Variants in NYX observed in about 807,000 individuals in gnomAD.
NYX encodes the protein leucine-rich repeat protein.
For synonymous variants in NYX, 258 were observed against 245.7 expected (o/e 1.05, Z -0.47); for missense variants, 481 against 485.4 (o/e 0.99, Z 0.09).
chrX:41,468,795 T>C (rs1421604738), intron 2 of NYX, among the ~76,000 whole-genome samples: 2 of 111,751 alleles, frequency 1.8e-5, no homozygotes, highest in African/African-American at 6.5e-5. Flanking sequence ...ACCTGATGCC[T>C]GATACTTGAC....
Position 41,474,782 on chromosome X carries a change from C to T in NYX, c.1314C>T (p.Ser438=), listed in dbSNP as rs1449375033. Residue 438 remains serine, a synonymous_variant, in exon 3 of 3, where the codon TCC becomes TCT. Transcript: ENST00000378220. Reference sequence around the variant, plus strand: ...GGGGGCTGGCCAACGCCTCCCTGTCCGACAGCCTCTCCTCCCGTGGGGTGG... The same window carrying T: ...GGGGGCTGGCCAACGCCTCCCTGTCTGACAGCCTCTCCTCCCGTGGGGTGG... ...TTGGLANASL[S]DSLSSRGVGG... is the part of the protein sequence containing the mutation. The T allele has an allele frequency of 5.0e-6, 6 of 1,195,714 alleles. No individual in the cohort carries two copies. Among genetic ancestry groups the T allele is most frequent in the African/African-American group, 3.5e-5 (2 of 57,214 alleles).
Position 41,449,169 on chromosome X carries a change from A to G in NYX, c.22+1243A>G, listed in dbSNP as rs1256654179. ...AGAATCTGTTTTTTTCTGACCCTCA[A>G]GTGAATTTAATTATTTGAGATATGA... On this transcript the variant is annotated intron_variant, in intron 2 of 2. Transcript: ENST00000378220. Among the ~76,000 whole-genome samples, 3 of 111,888 alleles carry G rather than the reference A, an allele frequency of 2.7e-5. No homozygotes were observed. In the East Asian group the frequency reaches 8.4e-4, roughly 31 times the overall value.
intron 2 of NYX, 71 bp from the exon 3 acceptor site, chrX:41,473,420 C>T: frequency 2.2e-6 from 2 of 901,935 alleles, no homozygotes; most frequent in South Asian, 9.5e-5. Context: ...CTGGGGTGAC[C>T]TTTGGCTGAC....
chrX:41,472,514 G>A (rs1381820613), intron 2 of NYX: 2 of 629,450 alleles, frequency 3.2e-6, no homozygotes, highest in Non-Finnish European at 5.2e-6. Context: ...GGATTCTTGA[G>A]CTATGGAACA....
rs148699627 is a variant in NYX at position 41,475,282 on chromosome X, G to T, written c.*383G>T. 79 of 200,135 alleles carry T rather than the reference G, an allele frequency of 3.9e-4. No homozygotes were observed. The highest frequency in any genetic ancestry group is 6.7e-4 in the Non-Finnish European group (74 of 110,234). The allele number at this position is 200,135 out of a possible 1,213,427, so 16.5% of individuals were successfully genotyped here. On this transcript the variant is annotated 3_prime_UTR_variant, in exon 3 of 3. Transcript: ENST00000378220. ...TCCATTGGCTAAGTAGTTAAGAGCCGTCCCATTTCTCCTGGCGGGGTAACC... is the reference window on the plus strand; with the variant it reads ...TCCATTGGCTAAGTAGTTAAGAGCCTTCCCATTTCTCCTGGCGGGGTAACC...
At chrX:41,467,543 G>A (rs2064345105) in intron 2 of NYX, among the ~76,000 whole-genome samples, 1 of 107,993 alleles carries the variant, frequency 9.3e-6, no homozygotes, top group African/African-American at 3.4e-5. Flanking sequence ...TAGTAGAGAC[G>A]GGGTTTCACC....
intron 2 of NYX, among the ~76,000 whole-genome samples, chrX:41,470,611 T>C (rs1309489703): frequency 3.8e-5 from 4 of 104,204 alleles, no homozygotes; most frequent in African/African-American, 7.1e-5. Context: ...GAAGAATCAC[T>C]TGAACCTGGG....
At chrX:41,468,336 G>A (rs2064348078) in intron 2 of NYX, among the ~76,000 whole-genome samples, 1 of 106,433 alleles carries the variant, frequency 9.4e-6, no homozygotes, top group Non-Finnish European at 1.9e-5. Context: ...CTGTTGCCTG[G>A]GCTGGAGTGC....
intron 2 of NYX, among the ~76,000 whole-genome samples, chrX:41,458,521 A>G (rs921022975): frequency 2.7e-5 from 3 of 110,923 alleles, no homozygotes; most frequent in Admixed American, 9.6e-5. Flanking sequence ...GTGCAGTTGT[A>G]TGATCTTGGC....
In NYX at chrX:41,474,266, C is replaced by T; in HGVS notation, c.798C>T (p.Arg266=). The T allele has an allele frequency of 8.3e-7, 1 of 1,205,202 alleles. No individual in the cohort carries two copies. Among genetic ancestry groups the T allele is most frequent in the Non-Finnish European group, 1.1e-6 (1 of 895,166 alleles). ...LGGNALDRVA[R]AWFADLAELE... ...GCAACGCGCTGGACCGCGTGGCGCGCGCCTGGTTCGCTGACCTGGCCGAGC... is the reference window on the plus strand; with the variant it reads ...GCAACGCGCTGGACCGCGTGGCGCGTGCCTGGTTCGCTGACCTGGCCGAGC... Residue 266 remains arginine (R), a synonymous_variant, in exon 3 of 3, where the codon CGC becomes CGT. Coordinates refer to ENST00000378220, the MANE Select transcript of NYX (RefSeq NM_001378477.3).
At chrX:41,456,396 G>A (rs1269400832) in intron 2 of NYX, among the ~76,000 whole-genome samples, 1 of 111,336 alleles carries the variant, frequency 9.0e-6, no homozygotes, top group Non-Finnish European at 1.9e-5. Flanking sequence ...ATATTGCTCA[G>A]GACTCTTGTT....
chrX:41,457,749 C>T lies in NYX; in HGVS notation c.22+9823C>T, dbSNP rs1426912522. ...TCAAAGTGTTCAACTGCGGTGCAAA[C>T]AGCTGTGGTTGGGAGGAGATGGCAG... On this transcript the variant is annotated intron_variant, in intron 2 of 2. Transcript: ENST00000378220. 3.6e-5 allele frequency among the ~76,000 whole-genome samples: 4 copies of T among 111,321 alleles called. No homozygotes were observed. The Admixed American group carries it at 3.9e-4, about 11-fold the overall frequency.
rs550417619 is a variant in NYX, at chrX:41,448,811, C to T, written c.22+885C>T. On this transcript the variant is annotated intron_variant, in intron 2 of 2. Transcript: ENST00000378220. Reference sequence around the variant, plus strand: ...CTGACCTCAGGTGATCTGCCTGTCTCGGCCTCCCAAAGTGCTGGGATTGCA... The same window carrying T: ...CTGACCTCAGGTGATCTGCCTGTCTTGGCCTCCCAAAGTGCTGGGATTGCA... 1.6e-4 allele frequency among the ~76,000 whole-genome samples: 18 copies of T among 110,532 alleles called. No homozygotes were observed. In the South Asian group the frequency reaches 5.0e-3, roughly 30 times the overall value.
intron 2 of NYX, among the ~76,000 whole-genome samples, chrX:41,448,644 C>T (rs374616168): frequency 5.6e-5 from 6 of 106,614 alleles, no homozygotes; most frequent in African/African-American, 1.0e-4. Flanking sequence ...CTGCAACCTC[C>T]GCCTCCCGGG....
At chrX:41,462,704 C>A (rs1039496897) in intron 2 of NYX, among the ~76,000 whole-genome samples, 2 of 111,984 alleles carry the variant, frequency 1.8e-5, no homozygotes, top group East Asian at 5.5e-4. Context: ...TCCCTAACAA[C>A]TAATGATGTT....
chrX:41,463,526 G>A (rs1260647617), intron 2 of NYX, among the ~76,000 whole-genome samples: 1 of 109,135 alleles, frequency 9.2e-6, no homozygotes, highest in Admixed American at 9.9e-5. Context: ...GGGTTCAAGC[G>A]ATTCTCCTGC....
At chrX:41,448,099 CA>C (rs1321965193) in intron 2 of NYX, among the ~76,000 whole-genome samples, 173 bp downstream of exon 2, 1 of 111,391 alleles carries the variant, frequency 9.0e-6, no homozygotes, top group Non-Finnish European at 1.9e-5. Context: ...AAGAAAACAG[CA>C]GGTGGTGGGG....
intron 2 of NYX, among the ~76,000 whole-genome samples, chrX:41,463,501 C>T (rs1185692858): frequency 1.8e-5 from 2 of 108,505 alleles, no homozygotes; most frequent in African/African-American, 6.7e-5. Context: ...CGGCTCACTG[C>T]AACCTCTGCC....
rs2064375118 is a variant in NYX, at chrX:41,473,932, C to T, written c.464C>T (p.Ala155Val). 1.8e-6 allele frequency: 2 copies of T among 1,113,464 alleles called. No homozygotes were observed. The highest frequency in any genetic ancestry group is 2.3e-6 in the Non-Finnish European group (2 of 853,156). 91.8% of individuals were successfully genotyped at this position (1,113,464 alleles called of 1,213,427 possible). A position where few individuals can be genotyped will look rare whatever the true frequency, so the allele number is the denominator to read the frequency against. ...GAGCGCCTCCTGGCCGAACTGCCGG[C>T]CCTGCGCGAACTCGCCGCCTTCGAC... ...VPERLLAELP[A>V]LRELAAFDNL... Residue 155 changes from alanine to valine, a missense_variant, in exon 3 of 3, where the codon GCC (alanine) becomes GTC (valine). Coordinates refer to ENST00000378220, the MANE Select transcript of NYX (RefSeq NM_001378477.3).
Sources: allele counts gnomAD v4.1 joint callset (sites outside exome capture counted in the v4.1 genomes callset), GRCh38; gene constraint gnomAD v4.1.1; transcripts MANE v1.5; gene names NCBI Gene and HGNC (gene_info 2026-07-23, HGNC 2026-07-21).